SYCP2L: variants seen among roughly 807,000 people sequenced by gnomAD.
The protein encoded by SYCP2L is synaptonemal complex protein 2 like.
A neutral mutation model predicts 125.8 loss-of-function variants in SYCP2L; 98 were observed. That is an observed-to-expected ratio of 0.78 (90% CI 0.66 to 0.92). The LOEUF (loss-of-function observed/expected upper bound fraction) is 0.92. Ranked by LOEUF, SYCP2L falls within the 40% of genes least tolerant of loss-of-function variation. The pLI, the probability that SYCP2L is intolerant of heterozygous loss-of-function variation, is 0.00. For missense variants in SYCP2L, 842 were observed against 936.4 expected, an observed-to-expected ratio of 0.90 and a Z score of 1.32; for synonymous variants, 317 against 325.4, an observed-to-expected ratio of 0.97 and a Z score of 0.28.
At chr6:10,899,054 T>C (rs1780332869) in intron 6 of SYCP2L, among the ~76,000 whole-genome samples, 1 of 152,226 alleles carries the variant, frequency 6.6e-6, no homozygotes, top group Admixed American at 6.5e-5. Context: ...GAAGCATTTT[T>C]ATTTCGCTGC....
intron 29 of SYCP2L, among the ~76,000 whole-genome samples, chr6:10,969,716 A>G (rs1040113710): frequency 6.6e-6 from 1 of 152,072 alleles, no homozygotes; most frequent in African/African-American, 2.4e-5. Context: ...GTGCAATAAT[A>G]TATATTACAA....
chr6:10,943,286 T>C (rs1781255161), intron 23 of SYCP2L, among the ~76,000 whole-genome samples: 1 of 152,174 alleles, frequency 6.6e-6, no homozygotes, highest in East Asian at 1.9e-4. Context: ...TTGACTGCAT[T>C]TTTTTCTCTA....
chr6:10,912,994 G>A lies in SYCP2L; in HGVS notation c.1072+67G>A. ...ATTATTTCTGTTGTATATGCAGTGTGTATTTATTTAATTCTAGGGCATATT... is the reference window on the plus strand; with the variant it reads ...ATTATTTCTGTTGTATATGCAGTGTATATTTATTTAATTCTAGGGCATATT... On this transcript the variant is annotated intron_variant, in intron 14 of 29. Transcript: ENST00000283141. This position sits in a 1 kb window ranked among gnomAD's most constrained non-coding sequence, Gnocchi z 4.1. 1 of 1,445,608 alleles carries A rather than the reference G, an allele frequency of 6.9e-7. No individual in the cohort carries two copies. The highest frequency in any genetic ancestry group is 1.8e-5 in the Admixed American group (1 of 55,086). 89.5% of individuals were successfully genotyped at this position (1,445,608 alleles called of 1,614,324 possible).
chr6:10,959,008 C>T, intron 26 of SYCP2L, 133 bp downstream of exon 26: 1 of 730,444 alleles, frequency 1.4e-6, no homozygotes, highest in South Asian at 1.8e-5. Context: ...ATCATTTAAC[C>T]CTTCTGGGTT....
At chr6:10,958,635 A>G in intron 25 of SYCP2L, 149 bp from the exon 26 acceptor site, 1 of 690,650 alleles carries the variant, frequency 1.4e-6, no homozygotes, top group Non-Finnish European at 2.4e-6. Flanking sequence ...TGACAGGTGT[A>G]TAGGATGATG....
chr6:10,902,979 T>C lies in SYCP2L; in HGVS notation c.641+16T>C. ...GTCATCTTATGTAAGTGACTTTGTATAAGTTACGTGCTGTAGTAAGGGTAA... is the reference window on the plus strand; with the variant it reads ...GTCATCTTATGTAAGTGACTTTGTACAAGTTACGTGCTGTAGTAAGGGTAA... On this transcript the variant is annotated intron_variant, in intron 8 of 29. Coordinates refer to ENST00000283141, the MANE Select transcript of SYCP2L (RefSeq NM_001040274.3). 1 of 1,604,424 alleles carries C rather than the reference T, an allele frequency of 6.2e-7. No individual in the cohort carries two copies. The highest frequency in any genetic ancestry group is 8.5e-7 in the Non-Finnish European group (1 of 1,171,218).
intron 8 of SYCP2L, among the ~76,000 whole-genome samples, chr6:10,903,392 C>T (rs571756404): frequency 5.9e-5 from 9 of 152,088 alleles, no homozygotes; most frequent in Non-Finnish European, 1.2e-4. Context: ...ACTAAAAATA[C>T]AAAAAATTAG....
chr6:10,927,100 T>A, intron 16 of SYCP2L, 140 bp from the exon 17 acceptor site: 1 of 1,410,188 alleles, frequency 7.1e-7, no homozygotes, highest in Non-Finnish European at 9.3e-7. Flanking sequence ...GCTTTCTGAT[T>A]GGAGGTTTGA....
intron 23 of SYCP2L, among the ~76,000 whole-genome samples, chr6:10,946,919 A>G (rs1040233448): frequency 6.6e-6 from 1 of 151,896 alleles, no homozygotes; most frequent in African/African-American, 2.4e-5. Flanking sequence ...CTCAGCAATT[A>G]TCTCCTCAAA....
intron 10 of SYCP2L, among the ~76,000 whole-genome samples, chr6:10,908,038 G>A (rs1935214392): frequency 6.6e-6 from 1 of 151,740 alleles, no homozygotes; most frequent in African/African-American, 2.4e-5. Context: ...ATAGGCACCT[G>A]CCACCACACC....
chr6:10,949,169 T>C (rs1408718597), intron 23 of SYCP2L, among the ~76,000 whole-genome samples: 1 of 152,146 alleles, frequency 6.6e-6, no homozygotes, highest in African/African-American at 2.4e-5. Flanking sequence ...TTTTTACTTC[T>C]TATATCTTTA....
chr6:10,956,378 G>A, intron 25 of SYCP2L, 136 bp downstream of exon 25: 1 of 664,270 alleles, frequency 1.5e-6, no homozygotes, highest in Admixed American at 2.9e-5. Context: ...GAAACAGGGA[G>A]GAGAAGGGTG....
rs183035034 is a variant in SYCP2L at position 10,901,857 on chromosome 6, G to A, written c.467-820G>A. On this transcript the variant is annotated intron_variant, in intron 6 of 29. Transcript: ENST00000283141. ...GGCAGTTTGGAAATAGCGTGGCTCC[G>A]CCCCATTTCTCTGCAGCCCAAAATT... 2.6e-3 allele frequency among the ~76,000 whole-genome samples: 401 copies of A among 152,338 alleles called. 2 individuals carry two copies. Among genetic ancestry groups the A allele is most frequent in the Middle Eastern group, 6.8e-3 (2 of 294 alleles).
chr6:10,913,136 T>G (rs1780637163), intron 14 of SYCP2L, among the ~76,000 whole-genome samples: 1 of 152,190 alleles, frequency 6.6e-6, no homozygotes, highest in Admixed American at 6.5e-5. Context: ...GTTTTTTCAT[T>G]TTAAAAATGT....
At chr6:10,955,442 C>T (rs1396793146) in intron 24 of SYCP2L, among the ~76,000 whole-genome samples, 1 of 152,200 alleles carries the variant, frequency 6.6e-6, no homozygotes, top group African/African-American at 2.4e-5. Context: ...TTCCTCGTAA[C>T]TCTTCCTTCT....
chr6:10,934,955 A>G (rs1457963572), intron 20 of SYCP2L, 103 bp from the exon 21 acceptor site: 5 of 1,095,966 alleles, frequency 4.6e-6, no homozygotes, highest in Admixed American at 5.9e-5. Flanking sequence ...GAGTAAATCT[A>G]ATACTTAAGC....
intron 6 of SYCP2L, among the ~76,000 whole-genome samples, chr6:10,900,527 A>AT (rs1267603717): frequency 6.6e-6 from 1 of 151,828 alleles, no homozygotes; most frequent in African/African-American, 2.4e-5. Context: ...TAATTTTTGT[A>AT]TTTTTAGTAG....
chr6:10,968,543 A>C (rs1187241561), intron 29 of SYCP2L, among the ~76,000 whole-genome samples: 1 of 152,172 alleles, frequency 6.6e-6, no homozygotes, highest in Non-Finnish European at 1.5e-5. Flanking sequence ...TAGTTGAGTC[A>C]GGGTGTCAGG....
intron 2 of SYCP2L, 138 bp downstream of exon 2, chr6:10,891,719 C>A: frequency 1.9e-6 from 1 of 521,568 alleles, no homozygotes; most frequent in Non-Finnish European, 3.2e-6. Flanking sequence ...GGGTCATTAG[C>A]AAACTTGTTC....
Sources: allele counts gnomAD v4.1 joint callset (sites outside exome capture counted in the v4.1 genomes callset), GRCh38; gene constraint gnomAD v4.1.1; non-coding constraint Gnocchi (gnomAD v3.1); transcripts MANE v1.5; gene names NCBI Gene and HGNC (gene_info 2026-07-23, HGNC 2026-07-21).